Variants in GNAL observed in about 807,000 individuals in gnomAD.
GNAL encodes G protein subunit alpha L.
A neutral mutation model predicts 55.1 loss-of-function variants in GNAL; 18 were observed. The observed-to-expected ratio is 0.33, with a 90% confidence interval of 0.23 to 0.48. The LOEUF is 0.48. Among genes scored for constraint, GNAL ranks in the 20% least tolerant of loss-of-function variants. The pLI is 0.99. For missense variants in GNAL, 412 were observed against 614.1 expected (o/e 0.67, Z 3.48); for synonymous variants, 253 against 237.0 (o/e 1.07, Z -0.62).
intron 5 of GNAL, 109 bp from the exon 6 acceptor site, chr18:11,862,286 G>A: frequency 1.3e-6 from 1 of 744,860 alleles, no homozygotes; most frequent in Non-Finnish European, 2.4e-6. Context: ...CAGCTTCTTG[G>A]CCTGCCCCCA....
intron 6 of GNAL, 151 bp downstream of exon 6, chr18:11,862,600 G>C (rs1377599069): frequency 1.6e-6 from 1 of 643,992 alleles, no homozygotes; most frequent in Non-Finnish European, 2.8e-6. Flanking sequence ...TGTGTGCGTG[G>C]ATTGGTCATC....
chr18:11,867,043 C>A, intron 7 of GNAL, 125 bp from the exon 8 acceptor site: 1 of 746,404 alleles, frequency 1.3e-6, no homozygotes. Flanking sequence ...GGCCAGTGAC[C>A]CGAGCTTGAC....
intron 4 of GNAL, among the ~76,000 whole-genome samples, chr18:11,779,411 C>T (rs2143340410): frequency 6.6e-6 from 1 of 152,240 alleles, no homozygotes; most frequent in South Asian, 2.1e-4. Flanking sequence ...CATTTGATGG[C>T]CTGTATTGAG....
In GNAL at chr18:11,884,915, C is replaced by T. The variant is rs2036953355; in HGVS notation, c.*3780C>T. 7.7e-7 allele frequency: 1 copy of T among 1,291,158 alleles called. No individual in the cohort carries two copies. The allele number at this position is 1,291,158 out of a possible 1,614,324, so 80.0% of individuals were successfully genotyped here. ...GGCCCCTGGCTCACTGGGTTCCCAT[C>T]AAATATAGTGGGGGATCCATAACAG... On this transcript the variant is annotated 3_prime_UTR_variant, in exon 12 of 12. Coordinates refer to ENST00000334049, the MANE Select transcript of GNAL (RefSeq NM_182978.4).
At chr18:11,805,147 GT>G (rs1469541384) in intron 4 of GNAL, among the ~76,000 whole-genome samples, 1 of 110,558 alleles carries the variant, frequency 9.0e-6, no homozygotes, top group African/African-American at 3.5e-5. Context: ...TGAAGTACAG[GT>G]GCAATTTGAG....
chr18:11,694,405 A>G (rs2031347269), intron 1 of GNAL, among the ~76,000 whole-genome samples: 1 of 152,192 alleles, frequency 6.6e-6, no homozygotes, highest in Non-Finnish European at 1.5e-5. Flanking sequence ...AGCACCCCAC[A>G]CAATCCTCTG....
At chr18:11,771,496 C>T (rs2033634202) in intron 4 of GNAL, among the ~76,000 whole-genome samples, 1 of 152,004 alleles carries the variant, frequency 6.6e-6, no homozygotes, top group African/African-American at 2.4e-5. Context: ...ATTGTGTACA[C>T]CCACGGGAAT....
chr18:11,808,932 G>A (rs2034735400), intron 4 of GNAL, among the ~76,000 whole-genome samples: 1 of 152,218 alleles, frequency 6.6e-6, no homozygotes, highest in Admixed American at 6.5e-5. Context: ...TCCATTTATA[G>A]GAAACGTCCA....
At chr18:11,827,148 C>T (rs1036447994) in intron 5 of GNAL, among the ~76,000 whole-genome samples, 2 of 152,108 alleles carry the variant, frequency 1.3e-5, no homozygotes, top group Non-Finnish European at 1.5e-5. Flanking sequence ...ATGCTCAGTC[C>T]GCAGGCATGT....
intron 5 of GNAL, among the ~76,000 whole-genome samples, chr18:11,861,227 G>C (rs1185743538): frequency 1.3e-5 from 2 of 152,116 alleles, no homozygotes; most frequent in African/African-American, 4.8e-5. Context: ...CACCAACAGA[G>C]AGCCTGGGCC....
chr18:11,786,448 T>C (rs2034062368), intron 4 of GNAL, among the ~76,000 whole-genome samples: 1 of 116,340 alleles, frequency 8.6e-6, no homozygotes, highest in Non-Finnish European at 1.8e-5. Flanking sequence ...TTTTTTTTTT[T>C]TTTTTTTTTT....
At chr18:11,800,256 T>C (rs2034489555) in intron 4 of GNAL, among the ~76,000 whole-genome samples, 1 of 152,062 alleles carries the variant, frequency 6.6e-6, no homozygotes, top group South Asian at 2.1e-4. Flanking sequence ...CATAGATAGA[T>C]AGATAGATAG....
Position 11,791,619 on chromosome 18 carries a change from A to C in GNAL, c.625-33299A>C, listed in dbSNP as rs2034240069. On this transcript the variant is annotated intron_variant, in intron 4 of 11. Transcript: ENST00000334049. ...AGCTCAGATAGTAAACACACACAAA[A>C]AATTAAGCTACTGCATGTGATCTAT... 2.6e-5 allele frequency among the ~76,000 whole-genome samples: 4 copies of C among 152,214 alleles called. No individual in the cohort carries two copies. The South Asian group carries it at 8.3e-4, about 32-fold the overall frequency.
intron 4 of GNAL, among the ~76,000 whole-genome samples, chr18:11,777,309 A>G (rs1033007877): frequency 1.3e-5 from 2 of 152,190 alleles, no homozygotes; most frequent in African/African-American, 4.8e-5. Context: ...TGAACCATAC[A>G]AAAAAATCAC....
In GNAL at chr18:11,867,822, A is replaced by T. The variant is rs189045875; in HGVS notation, c.910+596A>T. Reference sequence around the variant, plus strand: ...AAAGAGCGAGACTCTGTCAAAAAAAAATAATAATAATAAAAAAATTAGCCG... The same window carrying T: ...AAAGAGCGAGACTCTGTCAAAAAAATATAATAATAATAAAAAAATTAGCCG... On this transcript the variant is annotated intron_variant, in intron 8 of 11. Coordinates refer to ENST00000334049, the MANE Select transcript of GNAL (RefSeq NM_182978.4). Among the ~76,000 whole-genome samples the T allele has an allele frequency of 4.6e-3, 671 of 146,512 alleles. 8 individuals are homozygous for T. Among genetic ancestry groups the T allele is most frequent in the Non-Finnish European group, 6.4e-3 (429 of 66,520 alleles).
Position 11,772,207 on chromosome 18 carries a change from C to T in GNAL, c.624+18262C>T, listed in dbSNP as rs1041769193. ...TTATAGCAGAAATAAATAAAAATAC[C>T]AGGACAGATAATAGAAAAGAGTTGT... On this transcript the variant is annotated intron_variant, in intron 4 of 11. Coordinates refer to ENST00000334049, the MANE Select transcript of GNAL (RefSeq NM_182978.4). Among the ~76,000 whole-genome samples the T allele has an allele frequency of 3.3e-5, 5 of 152,076 alleles. No homozygotes were observed. In the East Asian group the frequency reaches 9.6e-4, roughly 29 times the overall value.
chr18:11,767,366 G>A (rs1005729443), intron 4 of GNAL, among the ~76,000 whole-genome samples: 8 of 151,376 alleles, frequency 5.3e-5, no homozygotes, highest in Non-Finnish European at 1.2e-4. Flanking sequence ...CCTGCTCTGT[G>A]CACACTTACA....
intron 1 of GNAL, among the ~76,000 whole-genome samples, chr18:11,692,223 A>T (rs1478109135): frequency 6.6e-6 from 1 of 152,234 alleles, no homozygotes; most frequent in Non-Finnish European, 1.5e-5. Context: ...TTCATTTAAG[A>T]TCTAGAATAC....
In GNAL at chr18:11,751,674, G is replaced by A; in HGVS notation, c.377-1179G>A. 1.0e-6 allele frequency: 1 copy of A among 985,192 alleles called. No homozygotes were observed. Among genetic ancestry groups the A allele is most frequent in the Non-Finnish European group, 1.2e-6 (1 of 829,746 alleles). The allele number at this position is 985,192 out of a possible 1,614,324, so 61.0% of individuals were successfully genotyped here. On this transcript the variant is annotated intron_variant, in intron 1 of 11. Coordinates refer to ENST00000334049, the MANE Select transcript of GNAL (RefSeq NM_182978.4). The surrounding 1 kb of genome is among the most constrained non-coding windows in gnomAD (Gnocchi z 4.5). Reference sequence around the variant, plus strand: ...CCAGGCGGCCGCGGCGCAGCGGAGGGGCTGCGGGCCCGGAACCCAGGCCGG... The same window carrying A: ...CCAGGCGGCCGCGGCGCAGCGGAGGAGCTGCGGGCCCGGAACCCAGGCCGG...
Sources: gnomAD v4.1 joint callset for allele counts (sites outside exome capture counted in the v4.1 genomes callset) on GRCh38, gnomAD v4.1.1 for gene constraint, Gnocchi (gnomAD v3.1) non-coding constraint, MANE v1.5 for transcripts, NCBI Gene and HGNC (gene_info 2026-07-23, HGNC 2026-07-21) for gene names.